Variants in ARHGAP42 observed in about 807,000 individuals in gnomAD.
ARHGAP42 encodes the protein rho GTPase-activating protein 42.
ARHGAP42 carries 63 observed loss-of-function variants against 125.0 expected under a neutral mutation model. The observed-to-expected ratio is 0.50, with a 90% CI of 0.41 to 0.62. The LOEUF (loss-of-function observed/expected upper bound fraction) is 0.62. Ranked by LOEUF, ARHGAP42 falls within the 20% of genes least tolerant of loss-of-function variation. The pLI, the probability that ARHGAP42 is intolerant of heterozygous loss-of-function variation, is 0.00. For missense variants in ARHGAP42, 766 were observed against 1,024.2 expected (o/e 0.75, Z 3.44); for synonymous variants, 339 against 351.0 (o/e 0.97, Z 0.38).
chr11:100,717,242 A>G (rs897353280), intron 1 of ARHGAP42, among the ~76,000 whole-genome samples: 4 of 152,172 alleles, frequency 2.6e-5, no homozygotes, highest in South Asian at 2.1e-4. Flanking sequence ...TATATATTCA[A>G]ATGTTCCAGT....
chr11:100,794,060 A>G (rs1452234322), intron 2 of ARHGAP42, among the ~76,000 whole-genome samples: 2 of 137,438 alleles, frequency 1.5e-5, no homozygotes, highest in Non-Finnish European at 3.1e-5. Flanking sequence ...CGAACAACAG[A>G]GCTAGACCCT....
At chr11:100,709,503 A>G (rs2120230445) in intron 1 of ARHGAP42, among the ~76,000 whole-genome samples, 1 of 152,318 alleles carries the variant, frequency 6.6e-6, no homozygotes, top group Middle Eastern at 3.4e-3. Context: ...GATACTCAGA[A>G]TGGCATGTAA....
chr11:100,949,187 T>C (rs984085241), intron 11 of ARHGAP42, among the ~76,000 whole-genome samples: 3 of 152,018 alleles, frequency 2.0e-5, no homozygotes, highest in Admixed American at 1.3e-4. Flanking sequence ...AACCATTCTT[T>C]AGATGGCAAA....
At chr11:100,761,142 A>G (rs1164019301) in intron 1 of ARHGAP42, among the ~76,000 whole-genome samples, 1 of 152,168 alleles carries the variant, frequency 6.6e-6, no homozygotes, top group Non-Finnish European at 1.5e-5. Flanking sequence ...GAAAAAAAAA[A>G]GGTAAAGGAG....
chr11:100,900,762 G>A (rs1866523438), intron 4 of ARHGAP42, among the ~76,000 whole-genome samples: 1 of 152,074 alleles, frequency 6.6e-6, no homozygotes, highest in Non-Finnish European at 1.5e-5. Flanking sequence ...GCTCCATCAG[G>A]TCATTTAAGG....
intron 5 of ARHGAP42, among the ~76,000 whole-genome samples, chr11:100,915,530 T>A (rs1214488640): frequency 6.6e-6 from 1 of 152,172 alleles, no homozygotes; most frequent in Non-Finnish European, 1.5e-5. Flanking sequence ...TTAAACCACC[T>A]TAAGGAAATG....
chr11:100,933,127 A>G (rs1161111151), intron 6 of ARHGAP42, 29 bp from the exon 7 acceptor site: 2 of 1,425,898 alleles, frequency 1.4e-6, no homozygotes, highest in African/African-American at 1.4e-5. Context: ...ACACATTTTC[A>G]TGGTTTCTTT....
chr11:100,703,156 G>T (rs1055605189), intron 1 of ARHGAP42, among the ~76,000 whole-genome samples: 1 of 152,184 alleles, frequency 6.6e-6, no homozygotes, highest in Non-Finnish European at 1.5e-5. Context: ...ACGTGCAACT[G>T]CGCTGGCTTC....
chr11:100,894,263 A>G (rs1866288880), intron 4 of ARHGAP42, among the ~76,000 whole-genome samples: 6 of 152,216 alleles, frequency 3.9e-5, no homozygotes. Flanking sequence ...TTGTAAACAT[A>G]GTCTAGACTT....
intron 4 of ARHGAP42, among the ~76,000 whole-genome samples, chr11:100,903,117 G>GCACACACACACACA (rs1555021069): frequency 0.03 from 3,896 of 131,876 alleles, 90 homozygotes; most frequent in Middle Eastern, 0.05. Flanking sequence ...TCCAAGATGC[G>GCACACACACACACA]CACACACACA....
chr11:100,688,772 C>T (rs1444623230), intron 1 of ARHGAP42, among the ~76,000 whole-genome samples: 1 of 152,072 alleles, frequency 6.6e-6, no homozygotes, highest in Non-Finnish European at 1.5e-5. Context: ...TCAAAGGAGC[C>T]TGTGAAAAGT....
At chr11:100,743,607 T>C (rs1862234330) in intron 1 of ARHGAP42, among the ~76,000 whole-genome samples, 1 of 152,200 alleles carries the variant, frequency 6.6e-6, no homozygotes, top group African/African-American at 2.4e-5. Context: ...TTTGGATGCC[T>C]AGATCTCAGA....
chr11:100,909,574 C>T (rs1372691172), intron 4 of ARHGAP42, among the ~76,000 whole-genome samples: 1 of 152,118 alleles, frequency 6.6e-6, no homozygotes, highest in Non-Finnish European at 1.5e-5. Context: ...GAACTCCTGA[C>T]CTCGGACGAT....
rs1490408683 is a variant in ARHGAP42, at chr11:100,941,949, C to CA, written c.933+72dup. ...CATTATTTAAGTAATGGAATTAAAA[C>CA]AAAAAAATCACATTTGTTTCTCTAG... On this transcript the variant is annotated intron_variant, in intron 9 of 23. Transcript: ENST00000298815. 5.2e-5 allele frequency: 61 copies of CA among 1,167,246 alleles called. No homozygotes were observed. The Admixed American group carries it at 1.1e-3, about 21-fold the overall frequency. 72.3% of individuals were successfully genotyped at this position (1,167,246 alleles called of 1,614,324 possible). A position where few individuals can be genotyped will look rare whatever the true frequency, so the allele number is the denominator to read the frequency against.
At chr11:100,871,569 GA>G (rs1277466702) in intron 4 of ARHGAP42, among the ~76,000 whole-genome samples, 1 of 141,900 alleles carries the variant, frequency 7.0e-6, no homozygotes, top group Non-Finnish European at 1.5e-5. Flanking sequence ...AAAGAAAAAA[GA>G]AAAAAAGCCT....
At chr11:100,737,710 T>C (rs1407858307) in intron 1 of ARHGAP42, among the ~76,000 whole-genome samples, 7 of 152,228 alleles carry the variant, frequency 4.6e-5, no homozygotes, top group Non-Finnish European at 8.8e-5. Flanking sequence ...TGCTGACTTA[T>C]TTGTTGAATG....
intron 22 of ARHGAP42, among the ~76,000 whole-genome samples, chr11:100,987,263 G>A (rs1040194914): frequency 6.6e-6 from 1 of 151,962 alleles, no homozygotes; most frequent in African/African-American, 2.4e-5. Context: ...TATAAGCCAG[G>A]GATTACCCTG....
At chr11:100,847,287 C>T (rs1865093268) in intron 3 of ARHGAP42, among the ~76,000 whole-genome samples, 1 of 152,156 alleles carries the variant, frequency 6.6e-6, no homozygotes, top group South Asian at 2.1e-4. Flanking sequence ...TAGTTTGGAA[C>T]TCTGAACACA....
chr11:100,727,134 GTTTTTC>G (rs1176225418), intron 1 of ARHGAP42, among the ~76,000 whole-genome samples: 1 of 152,114 alleles, frequency 6.6e-6, no homozygotes, highest in African/African-American at 2.4e-5. Context: ...TCATTCTGAA[GTTTTTC>G]TTTTTCTAAT....
Sources: allele counts gnomAD v4.1 joint callset (sites outside exome capture counted in the v4.1 genomes callset), GRCh38; gene constraint gnomAD v4.1.1; transcripts MANE v1.5; gene names NCBI Gene and HGNC (gene_info 2026-07-23, HGNC 2026-07-21).